Variants in SAMM50 observed in about 807,000 individuals in gnomAD.
SAMM50 encodes the protein sorting and assembly machinery component 50 homolog.
In SAMM50, 47 loss-of-function variants were observed where a neutral mutation model predicts 66.9. The observed-to-expected ratio is 0.70, with a 90% confidence interval of 0.56 to 0.90. The LOEUF (loss-of-function observed/expected upper bound fraction) is 0.90, where lower values mean the gene tolerates loss of function less well. Ranked by LOEUF, SAMM50 falls within the 40% of genes least tolerant of loss-of-function variation. The pLI is 0.00. For synonymous variants in SAMM50, 191 were observed against 214.1 expected (o/e 0.89, Z 0.94); for missense variants, 535 against 595.3 (o/e 0.90, Z 1.05).
At chr22:43,976,866 A>G (rs1173578757) in intron 9 of SAMM50, 45 bp downstream of exon 9, 3 of 1,386,602 alleles carry the variant, frequency 2.2e-6, no homozygotes, top group Admixed American at 3.6e-5. Context: ...AGGGGAGCCA[A>G]ACTTTGGACA....
intron 3 of SAMM50, among the ~76,000 whole-genome samples, 154 bp downstream of exon 3, chr22:43,964,707 C>T (rs866160646): frequency 6.6e-6 from 1 of 152,140 alleles, no homozygotes; most frequent in African/African-American, 2.4e-5. Context: ...CAAGCTGAAC[C>T]CCCCGAATTC....
At chr22:43,990,542 A>G in intron 14 of SAMM50, 136 bp downstream of exon 14, 1 of 956,142 alleles carries the variant, frequency 1.0e-6, no homozygotes, top group South Asian at 1.6e-5. Flanking sequence ...AAAATAATGA[A>G]AACACATGTA....
At chr22:43,967,066 ATCACAG>A (rs1226591006) in intron 3 of SAMM50, among the ~76,000 whole-genome samples, 15 of 152,168 alleles carry the variant, frequency 9.9e-5, no homozygotes, top group African/African-American at 3.4e-4. Flanking sequence ...TTTCTGTCTC[ATCACAG>A]TCATTCTCAG....
chr22:43,961,077 G>A (rs1453146185), intron 1 of SAMM50, among the ~76,000 whole-genome samples: 1 of 152,208 alleles, frequency 6.6e-6, no homozygotes, highest in Non-Finnish European at 1.5e-5. Flanking sequence ...GAAGGGCCTG[G>A]AAAGGGAATA....
intron 12 of SAMM50, chr22:43,987,552 G>C (rs6006468): frequency 0.48 from 72,312 of 152,204 alleles, 17,932 homozygotes; most frequent in African/African-American, 0.62. Context: ...GGCAAGGTCT[G>C]ATGTGGGGTG....
chr22:43,972,954 G>T lies in SAMM50; in HGVS notation c.513G>T (p.Ser171=). The change falls in exon 6 of 15, where the codon TCG becomes TCT. Residue 171 remains serine (S), a synonymous_variant. Transcript: ENST00000350028. The part of the protein sequence containing the change: ...FQFSYGTKET[S]YGLSFFKPRP... Reference sequence around the variant, plus strand: ...TTTCCTATGGAACAAAAGAAACTTCGTATGGCCTGTCCTTCTTCAAACCAC... The same window carrying T: ...TTTCCTATGGAACAAAAGAAACTTCTTATGGCCTGTCCTTCTTCAAACCAC... 6.2e-7 allele frequency: 1 copy of T among 1,600,250 alleles called. No individual in the cohort carries two copies. Among genetic ancestry groups the T allele is most frequent in the Non-Finnish European group, 8.5e-7 (1 of 1,177,234 alleles).
intron 2 of SAMM50, 146 bp downstream of exon 2, chr22:43,963,542 G>C (rs968900061): frequency 1.1e-5 from 5 of 467,152 alleles, no homozygotes; most frequent in African/African-American, 1.0e-4. Context: ...AAAAACTGAT[G>C]ACTCTTAGAA....
At chr22:43,978,502 C>T (rs1420963448) in intron 10 of SAMM50, among the ~76,000 whole-genome samples, 1 of 151,804 alleles carries the variant, frequency 6.6e-6, no homozygotes, top group South Asian at 2.1e-4. Flanking sequence ...AGCCCCTCCC[C>T]GTTTATCATC....
intron 1 of SAMM50, 149 bp downstream of exon 1, chr22:43,955,747 A>G: frequency 2.4e-6 from 2 of 822,580 alleles, no homozygotes; most frequent in Non-Finnish European, 3.7e-6. Context: ...GGCCGAAAAG[A>G]GGTCGCCTCG....
At chr22:43,972,213 T>C (rs1420762272) in intron 4 of SAMM50, 23 bp from the exon 5 acceptor site, 1 of 1,435,190 alleles carries the variant, frequency 7.0e-7, no homozygotes, top group South Asian at 1.3e-5. Context: ...GGCTGTCTTA[T>C]TGTTTAATAT....
At chr22:43,971,845 A>C (rs1188930658) in intron 4 of SAMM50, among the ~76,000 whole-genome samples, 1 of 151,948 alleles carries the variant, frequency 6.6e-6, no homozygotes, top group Non-Finnish European at 1.5e-5. Context: ...CGAATAGTTG[A>C]GACTATAGGT....
intron 9 of SAMM50, among the ~76,000 whole-genome samples, chr22:43,977,536 G>A (rs1332113338): frequency 6.6e-6 from 1 of 152,192 alleles, no homozygotes; most frequent in Non-Finnish European, 1.5e-5. Context: ...AGCCCACATT[G>A]TGAAAGGTCA....
At chr22:43,956,052 C>G (rs2050117849) in intron 1 of SAMM50, among the ~76,000 whole-genome samples, 1 of 152,122 alleles carries the variant, frequency 6.6e-6, no homozygotes, top group South Asian at 2.1e-4. Context: ...TCCTGTCTAC[C>G]GTGCAAAAGA....
chr22:43,980,736 T>C (rs1186462024), intron 10 of SAMM50, among the ~76,000 whole-genome samples: 1 of 152,160 alleles, frequency 6.6e-6, no homozygotes, highest in African/African-American at 2.4e-5. Flanking sequence ...CATAGGCATT[T>C]GCAAGGCAGA....
intron 1 of SAMM50, among the ~76,000 whole-genome samples, chr22:43,961,552 C>T (rs956533610): frequency 1.3e-5 from 2 of 152,182 alleles, no homozygotes; most frequent in Admixed American, 6.5e-5. Context: ...TGGGTTCAAG[C>T]GATTCTCCTG....
At position 43,976,841 on chromosome 22, in the gene SAMM50, G is replaced by T; in HGVS notation, c.849+20G>T. Reference sequence around the variant, plus strand: ...AACCAGGTAGTGTTGTTTCACCTGTGACCCCTGCAGGGTGAGGGGAGCCAA... The same window carrying T: ...AACCAGGTAGTGTTGTTTCACCTGTTACCCCTGCAGGGTGAGGGGAGCCAA... On this transcript the variant is annotated intron_variant, in intron 9 of 14. Coordinates refer to ENST00000350028, the MANE Select transcript of SAMM50 (RefSeq NM_015380.5). 1.3e-6 allele frequency: 2 copies of T among 1,521,378 alleles called. No homozygotes were observed. Among genetic ancestry groups the T allele is most frequent in the South Asian group, 2.3e-5 (2 of 88,098 alleles). 94.2% of individuals were successfully genotyped at this position (1,521,378 alleles called of 1,614,324 possible).
At chr22:43,978,837 C>G (rs888343113) in intron 10 of SAMM50, among the ~76,000 whole-genome samples, 2 of 152,140 alleles carry the variant, frequency 1.3e-5, no homozygotes, top group African/African-American at 4.8e-5. Flanking sequence ...CCTTATCTAC[C>G]TTAAAACCTG....
At chr22:43,958,295 C>T (rs2050129869) in intron 1 of SAMM50, among the ~76,000 whole-genome samples, 1 of 152,058 alleles carries the variant, frequency 6.6e-6, no homozygotes, top group African/African-American at 2.4e-5. Flanking sequence ...ATCCTTTGAT[C>T]CTAAATTTCT....
At chr22:43,994,099 G>A (rs530087472) in intron 14 of SAMM50, among the ~76,000 whole-genome samples, 12 of 152,252 alleles carry the variant, frequency 7.9e-5, no homozygotes, top group Middle Eastern at 3.4e-3. Flanking sequence ...TGCTGAGAGG[G>A]CCCCCTGGAG....
Sources: allele counts gnomAD v4.1 joint callset (sites outside exome capture counted in the v4.1 genomes callset), GRCh38; gene constraint gnomAD v4.1.1; transcripts MANE v1.5; gene names NCBI Gene and HGNC (gene_info 2026-07-23, HGNC 2026-07-21).